CMPK1: variants seen among roughly 807,000 people sequenced by gnomAD.
CMPK1 encodes the protein UMP-CMP kinase.
A neutral mutation model predicts 25.7 loss-of-function variants in CMPK1; 10 were observed. The observed-to-expected ratio is 0.39, with a 90% CI of 0.24 to 0.66. CMPK1 has a LOEUF of 0.66. CMPK1 is among the 30% of genes least tolerant of loss of function. CMPK1 has a pLI of 0.48. For missense variants in CMPK1, 199 were observed against 280.5 expected, an observed-to-expected ratio of 0.71 and a Z score of 2.08; for synonymous variants, 106 against 101.5, an observed-to-expected ratio of 1.04 and a Z score of -0.27.
At chr1:47,358,271 A>G in intron 1 of CMPK1, 1 of 491,234 alleles carries the variant, frequency 2.0e-6, no homozygotes, top group South Asian at 1.5e-5. Flanking sequence ...CGTCACCATG[A>G]CAGGCTAATT....
chr1:47,366,071 G>GT (rs1317205956), intron 1 of CMPK1, among the ~76,000 whole-genome samples: 1 of 152,136 alleles, frequency 6.6e-6, no homozygotes, highest in Non-Finnish European at 1.5e-5. Context: ...GTGCACGCCT[G>GT]TAATCCCAGC....
Position 47,368,526 on chromosome 1 carries a change from C to A in CMPK1, c.229C>A (p.Pro77Thr), listed in dbSNP as rs200895100. 2 of 1,613,102 alleles carry A rather than the reference C, an allele frequency of 1.2e-6. No individual in the cohort carries two copies. Among genetic ancestry groups the A allele is most frequent in the Non-Finnish European group, 1.7e-6 (2 of 1,179,454 alleles). The part of the protein sequence containing the change: ...GELLRDERKN[P>T]DSQYGELIEK... ...GCTGCTTCGTGATGAAAGGAAGAAC[C>A]CAGATTCACAGTATGGTGAACTTAT... The change falls in exon 2 of 6, where the codon CCA (proline) becomes ACA (threonine). Residue 77 changes from proline (P) to threonine (T), a missense_variant. By Grantham distance (38) the Pro-to-Thr change is conservative. Around this residue, in one of 2 missense-constraint regions of CMPK1, gnomAD observed 140 missense variants for 235.5 expected, o/e 0.59. Coordinates refer to ENST00000371873, the MANE Select transcript of CMPK1 (RefSeq NM_016308.3).
At chr1:47,334,272 C>T (rs1379230727) in intron 1 of CMPK1, among the ~76,000 whole-genome samples, 156 bp downstream of exon 1, 2 of 151,758 alleles carry the variant, frequency 1.3e-5, no homozygotes, top group African/African-American at 2.4e-5. Flanking sequence ...CCGAGGGCCG[C>T]CGGCGCGCGG....
chr1:47,345,768 C>A (rs1033932422), intron 1 of CMPK1, among the ~76,000 whole-genome samples: 30 of 120,556 alleles, frequency 2.5e-4, no homozygotes, highest in Admixed American at 9.3e-4. Context: ...TTTTTTTTTT[C>A]TTTTGAGATG....
intron 1 of CMPK1, among the ~76,000 whole-genome samples, chr1:47,350,111 A>G (rs1168575657): frequency 6.6e-6 from 1 of 151,782 alleles, no homozygotes; most frequent in African/African-American, 2.4e-5. Flanking sequence ...CAGCCTTATT[A>G]TTATTTATAT....
chr1:47,356,989 A>G (rs1453386033), intron 1 of CMPK1, among the ~76,000 whole-genome samples: 10 of 106,792 alleles, frequency 9.4e-5, no homozygotes, highest in African/African-American at 1.1e-4. Context: ...TTTGAGACCG[A>G]GTCTTGCCCT....
intron 1 of CMPK1, among the ~76,000 whole-genome samples, chr1:47,353,677 G>T (rs1482335017): frequency 1.3e-5 from 2 of 151,972 alleles, no homozygotes; most frequent in Admixed American, 6.6e-5. Context: ...CTTAGGATTT[G>T]ATGTTAATAA....
intron 2 of CMPK1, among the ~76,000 whole-genome samples, chr1:47,369,878 A>T (rs535005586): frequency 1.6e-4 from 21 of 132,998 alleles, no homozygotes; most frequent in South Asian, 9.6e-4. Context: ...TTTTTTTTTT[A>T]AATAAACCTC....
At position 47,377,842 on chromosome 1, in the gene CMPK1, G is replaced by A. The variant is rs972399563; in HGVS notation, c.*1097G>A. The A allele has an allele frequency of 3.3e-5, 5 of 152,450 alleles. No homozygotes were observed. The highest frequency in any genetic ancestry group is 7.4e-5 in the Non-Finnish European group (5 of 68,002). The allele number at this position is 152,450 out of a possible 1,614,324, so 9.4% of individuals were successfully genotyped here. A position where few individuals can be genotyped will look rare whatever the true frequency, so the allele number is the denominator to read the frequency against. ...TTGTTTGGCATCATGTTGAAGCACC[G>A]AAAGATAAATGATTTTTAAAAGGCT... is the stretch of plus-strand genomic sequence containing the variant. On this transcript the variant is annotated 3_prime_UTR_variant, in exon 6 of 6. Coordinates refer to ENST00000371873, the MANE Select transcript of CMPK1 (RefSeq NM_016308.3).
At chr1:47,341,701 T>G (rs552107264) in intron 1 of CMPK1, among the ~76,000 whole-genome samples, 1 of 151,662 alleles carries the variant, frequency 6.6e-6, no homozygotes, top group African/African-American at 2.4e-5. Context: ...TGCAATGGTG[T>G]GATCTCGGCT....
chr1:47,369,681 C>A (rs1388298854), intron 2 of CMPK1, among the ~76,000 whole-genome samples: 1 of 151,372 alleles, frequency 6.6e-6, no homozygotes, highest in African/African-American at 2.4e-5. Flanking sequence ...CCTGTCTCAG[C>A]CTCCCGAGTA....
At chr1:47,342,464 T>C (rs998600821) in intron 1 of CMPK1, among the ~76,000 whole-genome samples, 2 of 152,150 alleles carry the variant, frequency 1.3e-5, no homozygotes, top group African/African-American at 4.8e-5. Context: ...CAGATGATAA[T>C]GTTTACCAGC....
intron 1 of CMPK1, chr1:47,358,650 C>G (rs1432542358): frequency 1.3e-5 from 13 of 989,898 alleles, no homozygotes; most frequent in Non-Finnish European, 1.6e-5. Flanking sequence ...CTTAAGCACT[C>G]TAGTTCAGTG....
At chr1:47,354,974 A>G (rs941424591) in intron 1 of CMPK1, among the ~76,000 whole-genome samples, 4 of 152,182 alleles carry the variant, frequency 2.6e-5, no homozygotes, top group Admixed American at 2.6e-4. Flanking sequence ...TGCTGAATAT[A>G]ACATTTTATT....
intron 2 of CMPK1, 51 bp from the exon 3 acceptor site, chr1:47,372,904 A>G: frequency 6.7e-7 from 1 of 1,499,460 alleles, no homozygotes; most frequent in Non-Finnish European, 9.0e-7. Flanking sequence ...ATGCTTGAGA[A>G]ATTTCATTTT....
chr1:47,372,889 C>T, intron 2 of CMPK1, 66 bp from the exon 3 acceptor site: 1 of 1,348,696 alleles, frequency 7.4e-7, no homozygotes, highest in East Asian at 2.4e-5. Flanking sequence ...CATGTATACA[C>T]TACCATGCTT....
At chr1:47,368,400 G>T in intron 1 of CMPK1, 69 bp from the exon 2 acceptor site, 1 of 1,329,336 alleles carries the variant, frequency 7.5e-7, no homozygotes, top group South Asian at 1.9e-5. Context: ...TAACACAAAG[G>T]AAAAAAAGTA....
chr1:47,334,065 C>A lies in CMPK1; in HGVS notation c.120C>A (p.Val40=). The A allele has an allele frequency of 6.5e-7, 1 of 1,544,232 alleles. No homozygotes were observed. The highest frequency in any genetic ancestry group is 2.5e-5 in the East Asian group (1 of 40,368). Residue 40 remains valine, a synonymous_variant, in exon 1 of 6, where the codon GTC becomes GTA. Transcript: ENST00000371873. ...PRLMKPLVVF[V]LGGPGAGKGT... Reference sequence around the variant, plus strand: ...TCATGAAGCCGCTGGTCGTGTTCGTCCTCGGCGGCCCCGGCGCCGGCAAGG... The same window carrying A: ...TCATGAAGCCGCTGGTCGTGTTCGTACTCGGCGGCCCCGGCGCCGGCAAGG...
At chr1:47,372,366 G>A (rs150612068) in intron 2 of CMPK1, among the ~76,000 whole-genome samples, 1,859 of 152,174 alleles carry the variant, frequency 0.012, 34 homozygotes, top group African/African-American at 0.043. Context: ...ATTAGCTTCC[G>A]TTAAAAAGTA....
Sources: allele counts gnomAD v4.1 joint callset (sites outside exome capture counted in the v4.1 genomes callset), GRCh38; gene constraint gnomAD v4.1.1; regional missense constraint gnomAD v4.1.1; transcripts MANE v1.5; gene names NCBI Gene and HGNC (gene_info 2026-07-23, HGNC 2026-07-21).